The following TENM3 variants were observed in gnomAD, a reference collection of about 807,000 sequenced individuals.
TENM3 encodes teneurin transmembrane protein 3.
Under a neutral mutation model 255.1 loss-of-function variants are expected in TENM3, and 63 were observed. The ratio of observed to expected loss-of-function variants is 0.25; its 90% CI spans 0.20 to 0.30. The LOEUF (loss-of-function observed/expected upper bound fraction) is 0.30, where lower values mean the gene tolerates loss of function less well. Ranked by LOEUF, TENM3 falls within the 10% of genes least tolerant of loss-of-function variation. The pLI is 1.00. For missense variants in TENM3, 2,929 were observed against 3,461.1 expected (o/e 0.85, Z 3.86); for synonymous variants, 1,306 against 1,322.3 (o/e 0.99, Z 0.27).
the TENM3 span, among the ~76,000 whole-genome samples, chr4:182,116,717 T>C: frequency 6.6e-6 from 1 of 152,234 alleles, no homozygotes; most frequent in Non-Finnish European, 1.5e-5. Context: ...ACAACTTCCA[T>C]GCCTTTTCTT....
intron 3 of TENM3, among the ~76,000 whole-genome samples, chr4:182,474,806 GATATTA>G (rs546511261): frequency 6.6e-6 from 1 of 151,798 alleles, no homozygotes; most frequent in Non-Finnish European, 1.5e-5. Context: ...TATTTTATTT[GATATTA>G]ATATTGTATC....
chr4:182,635,888 CTA>C (rs1411551197), intron 5 of TENM3, among the ~76,000 whole-genome samples: 1 of 152,138 alleles, frequency 6.6e-6, no homozygotes, highest in African/African-American at 2.4e-5. Context: ...ATGGTAGTAG[CTA>C]TATATGTGCA....
At chr4:181,800,880 G>T in the TENM3 span, among the ~76,000 whole-genome samples, 3 of 152,266 alleles carry the variant, frequency 2.0e-5, no homozygotes, top group East Asian at 1.9e-4. Context: ...AAATGCCGGT[G>T]TATTTCTTGA....
At chr4:182,701,897 C>T (rs1051232947) in intron 12 of TENM3, among the ~76,000 whole-genome samples, 16 of 152,116 alleles carry the variant, frequency 1.1e-4, no homozygotes, top group African/African-American at 3.9e-4. Flanking sequence ...ATCCTGTCTG[C>T]TCAGTATATT....
intron 1 of TENM3, among the ~76,000 whole-genome samples, chr4:182,309,739 C>T (rs1056578514): frequency 1.3e-5 from 2 of 152,156 alleles, no homozygotes; most frequent in Non-Finnish European, 2.9e-5. Flanking sequence ...TAATCTCTTG[C>T]TCTCAACCGT....
intron 27 of TENM3, among the ~76,000 whole-genome samples, chr4:182,798,519 G>A (rs1766662643): frequency 1.3e-5 from 2 of 152,194 alleles, no homozygotes; most frequent in African/African-American, 4.8e-5. Context: ...AGGACGAAAT[G>A]GCCTAATGCC....
chr4:181,701,813 A>G, the TENM3 span, among the ~76,000 whole-genome samples: 130,697 of 152,232 alleles, frequency 0.86, 56,633 homozygotes, highest in East Asian at 0.94. Context: ...TATACACAAT[A>G]AAGGAAACTT....
chr4:182,463,748 C>CGAGT (rs1430056295), intron 3 of TENM3, among the ~76,000 whole-genome samples: 3 of 151,836 alleles, frequency 2.0e-5, no homozygotes, highest in African/African-American at 7.3e-5. Flanking sequence ...CTCAGCCTTC[C>CGAGT]GAGTAGCTGG....
the TENM3 span, among the ~76,000 whole-genome samples, chr4:181,708,574 T>TA: frequency 0.85 from 126,551 of 149,282 alleles, 54,049 homozygotes; most frequent in East Asian, 0.94. Context: ...AACTGAAGGA[T>TA]TTTTTTTTTT....
chr4:181,505,542 A>T, the TENM3 span, among the ~76,000 whole-genome samples: 1 of 152,134 alleles, frequency 6.6e-6, no homozygotes, highest in Admixed American at 6.5e-5. Flanking sequence ...ACACCGCAGC[A>T]TTATTTTCTT....
the TENM3 span, among the ~76,000 whole-genome samples, chr4:181,764,047 A>G: frequency 1.3e-5 from 2 of 152,216 alleles, no homozygotes; most frequent in Admixed American, 1.3e-4. Flanking sequence ...ATAGAACAGT[A>G]TACATGTAGT....
At chr4:182,039,451 G>T in the TENM3 span, among the ~76,000 whole-genome samples, 2 of 152,084 alleles carry the variant, frequency 1.3e-5, no homozygotes, top group Non-Finnish European at 2.9e-5. Flanking sequence ...CAAAAAGTAT[G>T]CTTAGGTACA....
intron 3 of TENM3, among the ~76,000 whole-genome samples, chr4:182,422,629 A>T (rs1244145547): frequency 6.6e-6 from 1 of 152,238 alleles, no homozygotes; most frequent in Non-Finnish European, 1.5e-5. Context: ...CTGAAGGAAG[A>T]ACTTGAAATT....
chr4:182,744,100 T>TTC (rs1418509911), intron 19 of TENM3: 1 of 842,928 alleles, frequency 1.2e-6, no homozygotes, highest in African/African-American at 1.9e-5. Flanking sequence ...TTTCTTTTTT[T>TTC]TTTTTTTTTT....
chr4:182,492,128 C>T (rs905806550), intron 3 of TENM3, among the ~76,000 whole-genome samples: 1 of 152,130 alleles, frequency 6.6e-6, no homozygotes, highest in South Asian at 2.1e-4. Context: ...AGGGTAGGAT[C>T]TCTCCTTATA....
At chr4:182,546,317 A>G (rs1377540437) in intron 3 of TENM3, among the ~76,000 whole-genome samples, 2 of 152,238 alleles carry the variant, frequency 1.3e-5, no homozygotes, top group South Asian at 4.1e-4. Context: ...CTTTCTAGAA[A>G]AATTGACAGC....
the TENM3 span, among the ~76,000 whole-genome samples, chr4:181,576,136 A>G: frequency 6.6e-6 from 1 of 152,112 alleles, no homozygotes; most frequent in Non-Finnish European, 1.5e-5. Context: ...TCCACTGTCC[A>G]TCATTCCACA....
the TENM3 span, among the ~76,000 whole-genome samples, chr4:182,097,199 C>T: frequency 5.3e-5 from 8 of 152,046 alleles, no homozygotes; most frequent in African/African-American, 1.7e-4. Context: ...TTTTATGTGT[C>T]TCTGTTTTTC....
At chr4:182,043,486 A>T in the TENM3 span, among the ~76,000 whole-genome samples, 2 of 152,168 alleles carry the variant, frequency 1.3e-5, no homozygotes, top group African/African-American at 4.8e-5. Context: ...TAGATAAGTG[A>T]TGATTTGTCT....
Sources: allele counts gnomAD v4.1 joint callset (sites outside exome capture counted in the v4.1 genomes callset), GRCh38; gene constraint gnomAD v4.1.1; transcripts MANE v1.5; gene names NCBI Gene and HGNC (gene_info 2026-07-23, HGNC 2026-07-21).